The following BANP variants were observed in gnomAD, a reference collection of about 807,000 sequenced individuals.
The protein encoded by BANP is protein BANP.
BANP carries 11 observed loss-of-function variants against 68.1 expected under a neutral mutation model. That is an observed-to-expected ratio of 0.16 (90% CI 0.10 to 0.27). The LOEUF (loss-of-function observed/expected upper bound fraction) is 0.27, where lower values mean the gene tolerates loss of function less well. Ranked by LOEUF, BANP falls within the 10% of genes least tolerant of loss-of-function variation. The pLI is 1.00. For synonymous variants in BANP, 329 were observed against 303.2 expected (o/e 1.09, Z -0.88); for missense variants, 504 against 722.7 (o/e 0.70, Z 3.47).
chr16:88,030,555 C>G (rs896952576), intron 8 of BANP, among the ~76,000 whole-genome samples: 1 of 152,214 alleles, frequency 6.6e-6, no homozygotes, highest in South Asian at 2.1e-4. Flanking sequence ...GTTATATAAC[C>G]TGACGACTGC....
chr16:87,965,974 C>T (rs1467753517), intron 1 of BANP, among the ~76,000 whole-genome samples: 4 of 152,162 alleles, frequency 2.6e-5, no homozygotes, highest in African/African-American at 7.2e-5. Context: ...TATTTGTCAT[C>T]CCCAACTGTC....
intron 6 of BANP, among the ~76,000 whole-genome samples, chr16:88,015,783 G>A (rs1236868807): frequency 6.6e-6 from 1 of 152,388 alleles, no homozygotes; most frequent in East Asian, 1.9e-4. Context: ...GCGCCTCAGC[G>A]GCTTTCACTC....
intron 2 of BANP, among the ~76,000 whole-genome samples, chr16:87,977,674 G>A (rs2062436653): frequency 6.6e-6 from 1 of 152,190 alleles, no homozygotes; most frequent in Non-Finnish European, 1.5e-5. Context: ...CTTTTAAATT[G>A]TTGACGTGTA....
intron 1 of BANP, among the ~76,000 whole-genome samples, chr16:87,960,306 C>T (rs2058906796): frequency 6.6e-6 from 1 of 152,110 alleles, no homozygotes; most frequent in African/African-American, 2.4e-5. Flanking sequence ...TGGATCTGGA[C>T]CCAGATGGCT....
chr16:88,071,804 T>C lies in BANP; in HGVS notation c.1378-265T>C. 1.5e-6 allele frequency: 1 copy of C among 672,136 alleles called. No homozygotes were observed. 41.6% of individuals were successfully genotyped at this position (672,136 alleles called of 1,614,324 possible). The stretch of plus-strand genomic sequence containing the variant: ...TCTGCCTTGCTTTTTTTTTTTTCCC[T>C]TTTTTCTGCTCTGTAGGTGCTTGAG... On this transcript the variant is annotated intron_variant, in intron 12 of 13. Transcript: ENST00000682872. The surrounding 1 kb of genome is among the most constrained non-coding windows in gnomAD (Gnocchi z 6.5).
rs997450311 is a variant in BANP, at chr16:88,004,960, G to A, written c.479+549G>A. Among the ~76,000 whole-genome samples the A allele has an allele frequency of 6.6e-6, 1 of 152,200 alleles. No homozygotes were observed. Among genetic ancestry groups the A allele is most frequent in the African/African-American group, 2.4e-5 (1 of 41,442 alleles). Reference sequence around the variant, plus strand: ...CTCTGGCTGGCATCCAAGCCCTGCTGTCCCCAGGAGTGCCCCTGGGGCTGC... The same window carrying A: ...CTCTGGCTGGCATCCAAGCCCTGCTATCCCCAGGAGTGCCCCTGGGGCTGC... On this transcript the variant is annotated intron_variant, in intron 5 of 13. Coordinates refer to ENST00000682872, the MANE Select transcript of BANP (RefSeq NM_001386991.1). This position sits in a 1 kb window ranked among gnomAD's most constrained non-coding sequence, Gnocchi z 7.0.
chr16:88,038,254 CACAT>C (rs2079886808), intron 11 of BANP, among the ~76,000 whole-genome samples: 1 of 152,122 alleles, frequency 6.6e-6, no homozygotes, highest in African/African-American at 2.4e-5. Context: ...GTCCCCCTCT[CACAT>C]ACAGGCCATG....
intron 1 of BANP, among the ~76,000 whole-genome samples, chr16:87,968,438 C>G (rs996193074): frequency 6.7e-6 from 1 of 148,888 alleles, no homozygotes; most frequent in Non-Finnish European, 1.5e-5. Flanking sequence ...GAGCTGAGAT[C>G]GTGCCATTGC....
intron 3 of BANP, 49 bp downstream of exon 3, chr16:87,981,176 A>C (rs765335408): frequency 5.2e-6 from 7 of 1,343,142 alleles, no homozygotes; most frequent in South Asian, 1.2e-5. Flanking sequence ...GCAGATTTCA[A>C]GGGCTGCTAT....
At chr16:87,983,504 C>T (rs1252083202) in intron 3 of BANP, among the ~76,000 whole-genome samples, 4 of 152,252 alleles carry the variant, frequency 2.6e-5, no homozygotes, top group East Asian at 1.9e-4. Context: ...GAGACTCAGC[C>T]GGAAAGGTCA....
intron 11 of BANP, among the ~76,000 whole-genome samples, chr16:88,054,823 C>T (rs1306156602): frequency 2.6e-5 from 4 of 152,182 alleles, no homozygotes; most frequent in African/African-American, 7.2e-5. Context: ...ATGGAAGGTC[C>T]TCAGTGTTGC....
chr16:88,032,208 C>G lies in BANP; in HGVS notation c.1064-901C>G, dbSNP rs150035740. Among the ~76,000 whole-genome samples the G allele has an allele frequency of 2.8e-3, 423 of 152,016 alleles. 1 individual carries two copies. Among genetic ancestry groups the G allele is most frequent in the African/African-American group, 9.6e-3 (397 of 41,496 alleles). ...AGAATTTCATCTTACTGCTTCCCTCCCCTGTACCCCCGAGATGGAGTCTCG... is the reference window on the plus strand; with the variant it reads ...AGAATTTCATCTTACTGCTTCCCTCGCCTGTACCCCCGAGATGGAGTCTCG... On this transcript the variant is annotated intron_variant, in intron 8 of 13. Transcript: ENST00000682872.
chr16:88,009,940 C>G (rs1366074677), intron 6 of BANP, among the ~76,000 whole-genome samples: 1 of 152,032 alleles, frequency 6.6e-6, no homozygotes, highest in Admixed American at 6.5e-5. Context: ...TAGACTGTGT[C>G]TCATTGGAAT....
At chr16:88,053,648 C>G (rs1485786930) in intron 11 of BANP, among the ~76,000 whole-genome samples, 1 of 148,218 alleles carries the variant, frequency 6.7e-6, no homozygotes, top group African/African-American at 2.6e-5. Context: ...ATCACCATCA[C>G]CAACACAGTC....
At chr16:88,029,512 G>A (rs928432514) in intron 8 of BANP, among the ~76,000 whole-genome samples, 5 of 151,648 alleles carry the variant, frequency 3.3e-5, no homozygotes, top group Non-Finnish European at 5.9e-5. Flanking sequence ...TCGGGAGGCT[G>A]AGGCAGGAGA....
intron 4 of BANP, among the ~76,000 whole-genome samples, chr16:87,992,493 A>G (rs1461852369): frequency 6.6e-6 from 1 of 152,144 alleles, no homozygotes; most frequent in Non-Finnish European, 1.5e-5. Flanking sequence ...AAATTCAATT[A>G]TTTTAATAAA....
In BANP at chr16:88,076,808, C is replaced by T; in HGVS notation, c.*147C>T. The T allele has an allele frequency of 1.5e-6, 1 of 662,786 alleles. No individual in the cohort carries two copies. Among genetic ancestry groups the T allele is most frequent in the Non-Finnish European group, 2.5e-6 (1 of 401,302 alleles). The allele number at this position is 662,786 out of a possible 1,614,324, so 41.1% of individuals were successfully genotyped here. A position where few individuals can be genotyped will look rare whatever the true frequency, so the allele number is the denominator to read the frequency against. On this transcript the variant is annotated 3_prime_UTR_variant, in exon 14 of 14. Transcript: ENST00000682872. ...AGGCCGCTGCCTCCGCGGGGAACAG[C>T]ATCCTATCAACTGAAAGAGCAGCCG...
chr16:87,984,624 A>T (rs2063933807), intron 4 of BANP, among the ~76,000 whole-genome samples: 1 of 152,224 alleles, frequency 6.6e-6, no homozygotes, highest in Admixed American at 6.5e-5. Context: ...TATACATTTC[A>T]CATGAATATA....
At chr16:88,001,394 C>T (rs1485328888) in intron 4 of BANP, among the ~76,000 whole-genome samples, 2 of 152,276 alleles carry the variant, frequency 1.3e-5, no homozygotes, top group African/African-American at 4.8e-5. Flanking sequence ...CCAGACACAT[C>T]TCCATGCACA....
Sources: allele counts gnomAD v4.1 joint callset (sites outside exome capture counted in the v4.1 genomes callset), GRCh38; gene constraint gnomAD v4.1.1; non-coding constraint Gnocchi (gnomAD v3.1); transcripts MANE v1.5; gene names NCBI Gene and HGNC (gene_info 2026-07-23, HGNC 2026-07-21).